FAM117B: variants seen among roughly 807,000 people sequenced by gnomAD.
FAM117B encodes the protein family with sequence similarity 117 member B, also known as protein FAM117B.
In FAM117B, 22 loss-of-function variants were observed where a neutral mutation model predicts 52.8. That is an observed-to-expected ratio of 0.42 (90% confidence interval 0.30 to 0.59). The LOEUF is 0.59. Among genes scored for constraint, FAM117B ranks in the 20% least tolerant of loss-of-function variants. The probability of loss-of-function intolerance (pLI) is 0.22; values close to 1 mark genes in which losing one functional copy is unlikely to be tolerated. For synonymous variants in FAM117B, 309 were observed against 324.1 expected, an observed-to-expected ratio of 0.95 and a Z score of 0.50; for missense variants, 678 against 802.6, an observed-to-expected ratio of 0.84 and a Z score of 1.88.
At chr2:202,686,488 C>G (rs1417387372) in intron 1 of FAM117B, among the ~76,000 whole-genome samples, 6 of 152,148 alleles carry the variant, frequency 3.9e-5, no homozygotes, top group Admixed American at 3.9e-4. Flanking sequence ...TCCTAATTGT[C>G]AAACACTGGA....
chr2:202,765,948 C>T lies in FAM117B; in HGVS notation c.*184C>T. On this transcript the variant is annotated 3_prime_UTR_variant, in exon 8 of 8. Coordinates refer to ENST00000392238, the MANE Select transcript of FAM117B (RefSeq NM_173511.4). ...CTCTGCCCCACTTGTGAACGCCAACCCTCAGTGCTTAGCCTGCTTTTTATC... is the reference window on the plus strand; with the variant it reads ...CTCTGCCCCACTTGTGAACGCCAACTCTCAGTGCTTAGCCTGCTTTTTATC... 1.6e-6 allele frequency: 1 copy of T among 615,608 alleles called. No individual in the cohort carries two copies. The highest frequency in any genetic ancestry group is 2.8e-5 in the East Asian group (1 of 35,938). 38.1% of individuals were successfully genotyped at this position (615,608 alleles called of 1,614,324 possible).
intron 2 of FAM117B, among the ~76,000 whole-genome samples, chr2:202,715,058 A>C (rs1411204688): frequency 1.3e-5 from 2 of 152,198 alleles, no homozygotes; most frequent in Non-Finnish European, 2.9e-5. Context: ...TACACCTCCC[A>C]GACGGGGTGG....
chr2:202,670,288 C>CTT (rs547597583), intron 1 of FAM117B, among the ~76,000 whole-genome samples: 2 of 142,838 alleles, frequency 1.4e-5, no homozygotes, highest in African/African-American at 5.6e-5. Flanking sequence ...TCTTTTCTTT[C>CTT]TTTTTTTTTT....
chr2:202,671,911 G>T (rs1219524187), intron 1 of FAM117B, among the ~76,000 whole-genome samples: 1 of 152,172 alleles, frequency 6.6e-6, no homozygotes, highest in Non-Finnish European at 1.5e-5. Flanking sequence ...ATGACTCAGA[G>T]ACCCAAGCTG....
At chr2:202,745,491 A>G (rs1691617976) in intron 4 of FAM117B, among the ~76,000 whole-genome samples, 1 of 152,202 alleles carries the variant, frequency 6.6e-6, no homozygotes, top group South Asian at 2.1e-4. Flanking sequence ...TATTATCACT[A>G]CAAGAAGCCC....
chr2:202,760,607 T>C (rs563698174), intron 7 of FAM117B, among the ~76,000 whole-genome samples: 2 of 152,252 alleles, frequency 1.3e-5, no homozygotes, highest in South Asian at 4.2e-4. Flanking sequence ...GTTTTTCTAG[T>C]GTAGAAGCCA....
chr2:202,761,044 G>C (rs1245757996), intron 7 of FAM117B, among the ~76,000 whole-genome samples: 1 of 152,146 alleles, frequency 6.6e-6, no homozygotes, highest in Non-Finnish European at 1.5e-5. Flanking sequence ...AGTTAGCTGA[G>C]ACCACAGGCA....
At chr2:202,687,016 G>T (rs1003885856) in intron 1 of FAM117B, among the ~76,000 whole-genome samples, 3 of 152,170 alleles carry the variant, frequency 2.0e-5, no homozygotes, top group Non-Finnish European at 4.4e-5. Flanking sequence ...AGGAGAGCCA[G>T]TAGTATAGTT....
intron 7 of FAM117B, among the ~76,000 whole-genome samples, chr2:202,760,148 A>C (rs1230280748): frequency 1.3e-5 from 2 of 152,246 alleles, no homozygotes; most frequent in Non-Finnish European, 2.9e-5. Flanking sequence ...ATTATCTTAG[A>C]AAGTTGACAG....
In FAM117B at chr2:202,726,345, A is replaced by G. The variant is rs1691245483; in HGVS notation, c.942A>G (p.Ala314=). The change falls in exon 4 of 8, where the codon GCA becomes GCG. Residue 314 remains alanine (A), a synonymous_variant. Transcript: ENST00000392238. ...AGTCTCCATTTCATGGCAACCATGC[A>G]GCTATTAACCAGTGTCAGGTAAGAG... ...ERQSPFHGNH[A]AINQCQAPVP... The G allele has an allele frequency of 6.2e-7, 1 of 1,613,470 alleles. No individual in the cohort carries two copies.
chr2:202,713,789 C>T (rs1053776225), intron 2 of FAM117B, among the ~76,000 whole-genome samples: 2 of 152,152 alleles, frequency 1.3e-5, no homozygotes, highest in South Asian at 2.1e-4. Flanking sequence ...TCACTGCAAC[C>T]TCCACCTCCT....
chr2:202,713,418 TTC>T (rs1179526308), intron 2 of FAM117B, among the ~76,000 whole-genome samples: 1 of 152,184 alleles, frequency 6.6e-6, no homozygotes, highest in Admixed American at 6.5e-5. Context: ...ATCTCTCTTT[TTC>T]TCTTAGTCTG....
At chr2:202,645,322 G>C (rs925736383) in intron 1 of FAM117B, among the ~76,000 whole-genome samples, 3 of 148,060 alleles carry the variant, frequency 2.0e-5, no homozygotes, top group African/African-American at 7.5e-5. Flanking sequence ...ACAGAGTCTC[G>C]CTGTCGCCCA....
chr2:202,651,752 T>C (rs548496878), intron 1 of FAM117B, among the ~76,000 whole-genome samples: 88 of 152,230 alleles, frequency 5.8e-4, no homozygotes, highest in Non-Finnish European at 1.0e-3. Context: ...GGGAAAACCA[T>C]TTAATTATAT....
chr2:202,748,401 C>A (rs1691668067), intron 4 of FAM117B, among the ~76,000 whole-genome samples: 1 of 151,806 alleles, frequency 6.6e-6, no homozygotes, highest in African/African-American at 2.4e-5. Context: ...ACTACAAAAG[C>A]CTAGGTAACA....
chr2:202,693,328 G>A (rs1160838624), intron 1 of FAM117B, among the ~76,000 whole-genome samples: 1 of 147,014 alleles, frequency 6.8e-6, no homozygotes, highest in Non-Finnish European at 1.5e-5. Context: ...ACTAACACTG[G>A]CCGGGTGTGG....
chr2:202,641,796 G>A (rs1689773466), intron 1 of FAM117B, among the ~76,000 whole-genome samples: 1 of 150,560 alleles, frequency 6.6e-6, no homozygotes, highest in African/African-American at 2.4e-5. Context: ...CTGCCACCAC[G>A]CCCAGCTAAC....
At position 202,761,448 on chromosome 2, in the gene FAM117B, G is replaced by A. The variant is rs542805358; in HGVS notation, c.1451+2095G>A. 3.9e-5 allele frequency among the ~76,000 whole-genome samples: 6 copies of A among 152,280 alleles called. No individual in the cohort carries two copies. In the South Asian group the frequency reaches 1.2e-3, roughly 32 times the overall value. ...AGAGAAGAAAAGACCAGAGAGGTGT[G>A]TGTGTGTGTCTGTAGATAGATCAAA... On this transcript the variant is annotated intron_variant, in intron 7 of 7. Transcript: ENST00000392238.
At chr2:202,693,650 A>C (rs377492417) in intron 1 of FAM117B, among the ~76,000 whole-genome samples, 12 of 152,286 alleles carry the variant, frequency 7.9e-5, no homozygotes, top group African/African-American at 2.6e-4. Flanking sequence ...TTTAAAACAA[A>C]ATATGAGATC....
Sources: allele counts gnomAD v4.1 joint callset (sites outside exome capture counted in the v4.1 genomes callset), GRCh38; gene constraint gnomAD v4.1.1; transcripts MANE v1.5; gene names NCBI Gene and HGNC (gene_info 2026-07-23, HGNC 2026-07-21).